Variants in VAV3 observed in about 807,000 individuals in gnomAD.
VAV3 encodes vav guanine nucleotide exchange factor 3.
In VAV3, 94 loss-of-function variants were observed where a neutral mutation model predicts 131.2. That is an observed-to-expected ratio of 0.72 (90% CI 0.61 to 0.85). The LOEUF is 0.85. Among genes scored for constraint, VAV3 ranks in the 40% least tolerant of loss-of-function variants. The pLI, the probability that VAV3 is intolerant of heterozygous loss-of-function variation, is 0.00. For synonymous variants in VAV3, 349 were observed against 342.0 expected (o/e 1.02, Z -0.22); for missense variants, 939 against 1,002.7 (o/e 0.94, Z 0.86).
At chr1:107,940,411 T>C (rs190640383) in intron 1 of VAV3, among the ~76,000 whole-genome samples, 10 of 152,314 alleles carry the variant, frequency 6.6e-5, no homozygotes, top group Admixed American at 5.9e-4. Context: ...GAATTTGGCA[T>C]AACCCAGAGC....
At chr1:107,807,673 G>GTCTGACTCAGCTTTGCAAACA (rs1667120592) in intron 2 of VAV3, among the ~76,000 whole-genome samples, 2 of 152,194 alleles carry the variant, frequency 1.3e-5, no homozygotes, top group African/African-American at 4.8e-5. Context: ...TACCTCCTAA[G>GTCTGACTCAGCTTTGCAAACA]TCTGACTCAG....
At chr1:107,814,717 G>C (rs557665456) in intron 2 of VAV3, among the ~76,000 whole-genome samples, 1 of 152,152 alleles carries the variant, frequency 6.6e-6, no homozygotes, top group Non-Finnish European at 1.5e-5. Flanking sequence ...GTGGCCTACA[G>C]TATTTCCCCT....
chr1:107,938,041 C>T (rs1673808665), intron 1 of VAV3, among the ~76,000 whole-genome samples: 1 of 152,176 alleles, frequency 6.6e-6, no homozygotes, highest in Non-Finnish European at 1.5e-5. Context: ...TCACACAGAG[C>T]ATGTCTGCAG....
At chr1:107,613,586 C>A (rs1189657664) in intron 21 of VAV3, among the ~76,000 whole-genome samples, 1 of 151,936 alleles carries the variant, frequency 6.6e-6, no homozygotes, top group Non-Finnish European at 1.5e-5. Flanking sequence ...CCTTTAATTT[C>A]TTAAACCATG....
At chr1:107,712,176 A>G (rs1660828180) in intron 15 of VAV3, among the ~76,000 whole-genome samples, 1 of 152,186 alleles carries the variant, frequency 6.6e-6, no homozygotes, top group African/African-American at 2.4e-5. Context: ...AACTTGACAA[A>G]TGATTATAAA....
intron 19 of VAV3, among the ~76,000 whole-genome samples, chr1:107,679,987 T>C (rs1481334064): frequency 6.6e-6 from 1 of 152,158 alleles, no homozygotes; most frequent in East Asian, 1.9e-4. Flanking sequence ...AGTTGATACT[T>C]TTATTAGCAC....
chr1:107,834,470 A>G (rs1471097260), intron 2 of VAV3, among the ~76,000 whole-genome samples: 1 of 152,128 alleles, frequency 6.6e-6, no homozygotes, highest in Non-Finnish European at 1.5e-5. Context: ...TCAATTGACA[A>G]TCTGGAGTAC....
At chr1:107,786,456 C>T (rs1037662998) in intron 2 of VAV3, among the ~76,000 whole-genome samples, 6 of 152,164 alleles carry the variant, frequency 3.9e-5, no homozygotes, top group Non-Finnish European at 7.3e-5. Flanking sequence ...TGCCTTAGTT[C>T]CCTTACCTAC....
intron 2 of VAV3, among the ~76,000 whole-genome samples, chr1:107,834,563 T>G (rs1318689773): frequency 6.6e-6 from 1 of 151,794 alleles, no homozygotes; most frequent in Non-Finnish European, 1.5e-5. Context: ...ATAGTCATCA[T>G]GACAGACCAC....
chr1:107,677,303 T>A (rs2494053), intron 19 of VAV3, among the ~76,000 whole-genome samples: 70,067 of 152,036 alleles, frequency 0.46, 17,739 homozygotes, highest in African/African-American at 0.68. Context: ...TTGCATCAAA[T>A]ATTGTTATAC....
At chr1:107,819,852 T>C (rs114002226) in intron 2 of VAV3, among the ~76,000 whole-genome samples, 3,882 of 152,182 alleles carry the variant, frequency 0.026, 70 homozygotes, top group African/African-American at 0.052. Context: ...AAAAATAACT[T>C]ACCTCTGCTC....
intron 1 of VAV3, among the ~76,000 whole-genome samples, chr1:107,954,256 AAC>A (rs1392190876): frequency 6.6e-6 from 1 of 152,206 alleles, no homozygotes; most frequent in Non-Finnish European, 1.5e-5. Flanking sequence ...CATTTTAAAC[AAC>A]AGTGTTCCTG....
At chr1:107,873,788 G>A (rs1485108410) in intron 2 of VAV3, among the ~76,000 whole-genome samples, 2 of 152,090 alleles carry the variant, frequency 1.3e-5, no homozygotes. Context: ...CTGGCAGGCA[G>A]CCTGATGCCT....
chr1:107,708,937 C>T (rs976306106), intron 15 of VAV3, among the ~76,000 whole-genome samples: 1 of 151,906 alleles, frequency 6.6e-6, no homozygotes, highest in Non-Finnish European at 1.5e-5. Flanking sequence ...CACACCCGCA[C>T]ACCCACACAC....
intron 2 of VAV3, among the ~76,000 whole-genome samples, chr1:107,849,445 C>T (rs895975772): frequency 1.3e-5 from 2 of 152,040 alleles, no homozygotes; most frequent in Non-Finnish European, 2.9e-5. Context: ...GCCATCTGAT[C>T]TTTGACAAAC....
intron 20 of VAV3, among the ~76,000 whole-genome samples, chr1:107,639,708 C>A (rs1009853361): frequency 2.6e-5 from 4 of 152,038 alleles, no homozygotes; most frequent in Non-Finnish European, 5.9e-5. Flanking sequence ...ACTTGGCAGG[C>A]TGAAGTGGGA....
At chr1:107,665,141 A>G (rs1657321582) in intron 19 of VAV3, among the ~76,000 whole-genome samples, 2 of 152,170 alleles carry the variant, frequency 1.3e-5, no homozygotes, top group South Asian at 4.1e-4. Context: ...AGTCAATAAA[A>G]GAAGTCAGGA....
chr1:107,881,723 A>C (rs1670791751), intron 1 of VAV3, among the ~76,000 whole-genome samples: 1 of 152,200 alleles, frequency 6.6e-6, no homozygotes, highest in Admixed American at 6.5e-5. Flanking sequence ...TCAAGGTCTA[A>C]AACATCCTAA....
intron 2 of VAV3, among the ~76,000 whole-genome samples, chr1:107,828,580 GC>G (rs1347233236): frequency 2.0e-5 from 3 of 151,978 alleles, no homozygotes; most frequent in African/African-American, 7.3e-5. Context: ...TCTTTTCTAT[GC>G]CTGTTCCACC....
Sources: allele counts gnomAD v4.1 joint callset (sites outside exome capture counted in the v4.1 genomes callset), GRCh38; gene constraint gnomAD v4.1.1; transcripts MANE v1.5; gene names NCBI Gene and HGNC (gene_info 2026-07-23, HGNC 2026-07-21).